Variants in NSUN7 observed in about 807,000 individuals in gnomAD.
NSUN7 encodes protein NSUN7.
Under a neutral mutation model 58.5 loss-of-function variants are expected in NSUN7, and 39 were observed. That is an observed-to-expected ratio of 0.67 (90% CI 0.52 to 0.87). The LOEUF (loss-of-function observed/expected upper bound fraction) is 0.87, where lower values mean the gene tolerates loss of function less well. Ranked by LOEUF, NSUN7 falls within the 40% of genes least tolerant of loss-of-function variation. The pLI, the probability that NSUN7 is intolerant of heterozygous loss-of-function variation, is 0.00. For synonymous variants in NSUN7, 278 were observed against 303.7 expected (o/e 0.92, Z 0.88); for missense variants, 765 against 844.1 (o/e 0.91, Z 1.16).
At chr4:40,773,294 A>G (rs375997875) in intron 4 of NSUN7, 3 of 152,370 alleles carry the variant, frequency 2.0e-5, no homozygotes, top group Admixed American at 1.3e-4. Context: ...GAGATTAAGT[A>G]ACATTCCTGA....
chr4:40,786,010 A>G (rs1489558355), intron 7 of NSUN7: 1 of 1,433,836 alleles, frequency 7.0e-7, no homozygotes, highest in Non-Finnish European at 9.3e-7. Flanking sequence ...AAGAAGAGGG[A>G]AGGACAGTTA....
At chr4:40,768,695 G>A (rs1354923653) in intron 4 of NSUN7, among the ~76,000 whole-genome samples, 1 of 152,048 alleles carries the variant, frequency 6.6e-6, no homozygotes, top group African/African-American at 2.4e-5. Flanking sequence ...AATCCAAGAT[G>A]ATACCTATTA....
At chr4:40,752,318 T>A (rs2154286236) in intron 2 of NSUN7, among the ~76,000 whole-genome samples, 1 of 152,368 alleles carries the variant, frequency 6.6e-6, no homozygotes, top group South Asian at 2.1e-4. Flanking sequence ...GGCTTACACT[T>A]GTAATCCCAG....
intron 4 of NSUN7, among the ~76,000 whole-genome samples, chr4:40,772,251 A>G (rs1042091781): frequency 6.6e-6 from 1 of 152,224 alleles, no homozygotes; most frequent in Non-Finnish European, 1.5e-5. Flanking sequence ...TGAATAATTC[A>G]GTAATATCAT....
intron 7 of NSUN7, among the ~76,000 whole-genome samples, chr4:40,786,924 C>T (rs920828334): frequency 6.6e-6 from 1 of 151,872 alleles, no homozygotes; most frequent in African/African-American, 2.4e-5. Flanking sequence ...TCTCCCTACC[C>T]CACAAATCTT....
intron 2 of NSUN7, among the ~76,000 whole-genome samples, chr4:40,757,579 A>G (rs1741207008): frequency 6.8e-6 from 1 of 146,328 alleles, no homozygotes; most frequent in Non-Finnish European, 1.5e-5. Context: ...TAAATTGCAT[A>G]TATATATACA....
At chr4:40,793,042 ATTATT>A (rs1331619433) in intron 8 of NSUN7, among the ~76,000 whole-genome samples, 2 of 152,238 alleles carry the variant, frequency 1.3e-5, no homozygotes, top group Non-Finnish European at 2.9e-5. Context: ...ACGACTTGGA[ATTATT>A]TTAAGATAGA....
At chr4:40,757,537 A>G (rs1741201716) in intron 2 of NSUN7, among the ~76,000 whole-genome samples, 1 of 145,310 alleles carries the variant, frequency 6.9e-6, no homozygotes, top group Admixed American at 6.9e-5. Flanking sequence ...AGGTAAAATT[A>G]TATATATATA....
intron 7 of NSUN7, among the ~76,000 whole-genome samples, chr4:40,784,170 G>A (rs1742703748): frequency 6.6e-6 from 1 of 152,214 alleles, no homozygotes; most frequent in Non-Finnish European, 1.5e-5. Context: ...AAGAATTGCT[G>A]ATGGGAACAT....
Position 40,798,847 on chromosome 4 carries a change from C to A in NSUN7, c.1343C>A (p.Ala448Asp). The A allele has an allele frequency of 6.2e-7, 1 of 1,612,416 alleles. No individual in the cohort carries two copies. Among genetic ancestry groups the A allele is most frequent in the African/African-American group, 1.3e-5 (1 of 74,926 alleles). ...TCSVFPEENE[A>D]VVKKALEFQD... ...TCAGTTTTTCCAGAAGAAAATGAAGCTGTTGTTAAGAAAGCACTGGAATTT... is the reference window on the plus strand; with the variant it reads ...TCAGTTTTTCCAGAAGAAAATGAAGATGTTGTTAAGAAAGCACTGGAATTT... Residue 448 changes from alanine to aspartate, a missense_variant, in exon 10 of 12, where the codon GCT becomes GAT. Ala to Asp is a moderately radical substitution (Grantham distance 126). Transcript: ENST00000381782.
chr4:40,799,401 T>A (rs1353467652), intron 10 of NSUN7, among the ~76,000 whole-genome samples: 1 of 151,776 alleles, frequency 6.6e-6, no homozygotes, highest in African/African-American at 2.4e-5. Context: ...GGCTCACACC[T>A]GTAATCCCAG....
rs1380956473 is a variant in NSUN7 at position 40,780,871 on chromosome 4, G to A, written c.1036+4612G>A. On this transcript the variant is annotated intron_variant, in intron 7 of 11. Coordinates refer to ENST00000381782, the MANE Select transcript of NSUN7 (RefSeq NM_024677.6). ...GTCTCGCTCTGTCGCCCAGGCTGGA[G>A]TGCAGTGGCATGATCTCGACTCACT... is the stretch of plus-strand genomic sequence containing the variant. Among the ~76,000 whole-genome samples, 5 of 135,882 alleles carry A rather than the reference G, an allele frequency of 3.7e-5. No individual in the cohort carries two copies. In the South Asian group the frequency reaches 9.3e-4, roughly 25 times the overall value. 89.1% of individuals were successfully genotyped at this position (135,882 alleles called of 152,430 possible).
intron 9 of NSUN7, among the ~76,000 whole-genome samples, chr4:40,798,344 C>T (rs895895420): frequency 2.0e-5 from 3 of 152,236 alleles, no homozygotes; most frequent in Middle Eastern, 6.8e-3. Flanking sequence ...CCTCATTTTA[C>T]GGATGAAAAA....
chr4:40,789,301 A>C (rs1214025724), intron 7 of NSUN7, among the ~76,000 whole-genome samples: 2 of 152,220 alleles, frequency 1.3e-5, no homozygotes. Context: ...TTAAGAAATA[A>C]ATGTTAAGAA....
rs1445365680 is a variant in NSUN7 at position 40,761,085 on chromosome 4, A to G, written c.358-86A>G. The G allele has an allele frequency of 1.1e-5, 12 of 1,111,734 alleles. No individual in the cohort carries two copies. In the East Asian group the frequency reaches 3.1e-4, roughly 29 times the overall value. The allele number at this position is 1,111,734 out of a possible 1,614,324, so 68.9% of individuals were successfully genotyped here. The stretch of plus-strand genomic sequence containing the variant: ...TAGTCGTATTCCTGCTCTGTTATGA[A>G]AAATAATGGAATGGAATGGAATGGA... On this transcript the variant is annotated intron_variant, in intron 3 of 11. Coordinates refer to ENST00000381782, the MANE Select transcript of NSUN7 (RefSeq NM_024677.6).
At chr4:40,765,403 T>C (rs1196900929) in intron 4 of NSUN7, among the ~76,000 whole-genome samples, 1 of 149,316 alleles carries the variant, frequency 6.7e-6, no homozygotes, top group Non-Finnish European at 1.5e-5. Context: ...ATATGTGGCG[T>C]TATTTCTGAG....
At chr4:40,778,133 C>T (rs1742357339) in intron 7 of NSUN7, among the ~76,000 whole-genome samples, 1 of 152,056 alleles carries the variant, frequency 6.6e-6, no homozygotes, top group East Asian at 1.9e-4. Context: ...AATATCTAGA[C>T]TTAAGCATGG....
chr4:40,788,000 A>G (rs1222254337), intron 7 of NSUN7, among the ~76,000 whole-genome samples: 2 of 151,994 alleles, frequency 1.3e-5, no homozygotes, highest in African/African-American at 4.8e-5. Flanking sequence ...ACGCCTGGCT[A>G]ATTTTTGTAT....
chr4:40,776,099 G>T lies in NSUN7; in HGVS notation c.876G>T (p.Met292Ile), dbSNP rs775092872. 16 of 1,609,586 alleles carry T rather than the reference G, an allele frequency of 9.9e-6. No homozygotes were observed. Among genetic ancestry groups the T allele is most frequent in the Non-Finnish European group, 1.2e-5 (14 of 1,177,584 alleles). The part of the protein sequence containing the change: ...AVHSVKALLN[M>I]DDDVLMVNTG... ...ATTCTGTAAAGGCTTTATTAAATAT[G>T]GATGATGATGTCTTAATGGTCAATA... The change falls in exon 7 of 12, where the codon ATG becomes ATT. Residue 292 changes from methionine (M) to isoleucine (I), a missense_variant. By Grantham distance (10) the Met-to-Ile change is conservative (BLOSUM62 1). Transcript: ENST00000381782.
Sources: gnomAD v4.1 joint callset for allele counts (sites outside exome capture counted in the v4.1 genomes callset) on GRCh38, gnomAD v4.1.1 for gene constraint, MANE v1.5 for transcripts, NCBI Gene and HGNC (gene_info 2026-07-23, HGNC 2026-07-21) for gene names.